The following SASH1 variants were observed in gnomAD, a reference collection of about 807,000 sequenced individuals.
SASH1 encodes the protein SAM and SH3 domain-containing protein 1.
Under a neutral mutation model 125.2 loss-of-function variants are expected in SASH1, and 44 were observed. The observed-to-expected ratio is 0.35, with a 90% confidence interval of 0.28 to 0.45. SASH1 has a LOEUF of 0.45. Ranked by LOEUF, SASH1 falls within the 20% of genes least tolerant of loss-of-function variation. The pLI is 1.00. For synonymous variants in SASH1, 639 were observed against 649.1 expected (o/e 0.98, Z 0.24); for missense variants, 1,426 against 1,614.5 (o/e 0.88, Z 2.00).
At chr6:148,340,095 GC>G (rs1313374433), upstream of SASH1, among the ~76,000 whole-genome samples, 1 of 152,170 alleles carries the variant, frequency 6.6e-6, no homozygotes, top group African/African-American at 2.4e-5. Flanking sequence ...TGCCCGGCTT[GC>G]CTGGCTCCTT....
At chr6:148,511,672 T>C (rs1461570641) in intron 8 of SASH1, among the ~76,000 whole-genome samples, 4 of 152,210 alleles carry the variant, frequency 2.6e-5, no homozygotes, top group African/African-American at 9.6e-5. Context: ...TTTGCCACAG[T>C]GAATCTGGGC....
chr6:148,307,379 G>A (rs1780174268), intron 1 of SASH1, among the ~76,000 whole-genome samples: 1 of 151,980 alleles, frequency 6.6e-6, no homozygotes, highest in Admixed American at 6.6e-5. Flanking sequence ...GCCTCCCAAA[G>A]TGCTGGAATT....
chr6:148,488,999 T>C (rs1004075881), intron 8 of SASH1, among the ~76,000 whole-genome samples: 1 of 152,200 alleles, frequency 6.6e-6, no homozygotes, highest in Non-Finnish European at 1.5e-5. Flanking sequence ...TATTTGTTTT[T>C]TTGTTGCCTG....
At chr6:148,247,651 C>T in the SASH1 span, among the ~76,000 whole-genome samples, 12 of 152,160 alleles carry the variant, frequency 7.9e-5, no homozygotes, top group Non-Finnish European at 1.3e-4. Context: ...GGGGCCTAAA[C>T]CTTATACAAG....
chr6:148,301,493 T>C (rs1738613987), intron 1 of SASH1, among the ~76,000 whole-genome samples: 1 of 152,124 alleles, frequency 6.6e-6, no homozygotes, highest in South Asian at 2.1e-4. Context: ...CTCAAACTCC[T>C]GACCTCAGGT....
At chr6:148,232,414 T>C in the SASH1 span, among the ~76,000 whole-genome samples, 27,770 of 152,174 alleles carry the variant, frequency 0.18, 2,670 homozygotes, top group South Asian at 0.22. Flanking sequence ...GTTTGATCCT[T>C]CTTCTAGGTG....
At chr6:148,458,576 A>G (rs933507016) in intron 4 of SASH1, among the ~76,000 whole-genome samples, 1 of 152,184 alleles carries the variant, frequency 6.6e-6, no homozygotes, top group Non-Finnish European at 1.5e-5. Context: ...AGTGGCATAG[A>G]GCTTTATTAT....
intron 1 of SASH1, among the ~76,000 whole-genome samples, chr6:148,368,652 T>G (rs574526188): frequency 9.2e-5 from 14 of 152,252 alleles, no homozygotes; most frequent in African/African-American, 3.4e-4. Context: ...GTGCATTAAT[T>G]GAAATGATGT....
At chr6:148,546,237 G>C in intron 19 of SASH1, 91 bp downstream of exon 19, 1 of 1,445,828 alleles carries the variant, frequency 6.9e-7, no homozygotes, top group Non-Finnish European at 9.3e-7. Context: ...GTAGGCAAGG[G>C]CTTGCGTAGC....
rs1037088183 is a variant in SASH1 at position 148,529,143 on chromosome 6, C to T, written c.1428+1547C>T. Among the ~76,000 whole-genome samples the T allele has an allele frequency of 2.0e-5, 3 of 152,130 alleles. No homozygotes were observed. Among genetic ancestry groups the T allele is most frequent in the Admixed American group, 6.5e-5 (1 of 15,272 alleles). On this transcript the variant is annotated intron_variant, in intron 12 of 19. Transcript: ENST00000367467. The surrounding 1 kb of genome is among the most constrained non-coding windows in gnomAD (Gnocchi z 4.2). ...ACAGATGAAGCTTGGCCTGCTCACC[C>T]GCCACTCACCTCCTGCTGTACGGCC...
At chr6:148,239,668 T>G in the SASH1 span, among the ~76,000 whole-genome samples, 2 of 151,866 alleles carry the variant, frequency 1.3e-5, no homozygotes, top group East Asian at 1.9e-4. Context: ...AGTAGCACCT[T>G]GCTAATCAAT....
the SASH1 span, among the ~76,000 whole-genome samples, chr6:148,241,450 G>T: frequency 6.6e-6 from 1 of 152,186 alleles, no homozygotes; most frequent in African/African-American, 2.4e-5. Flanking sequence ...TACATGCATT[G>T]AGATGAGAAC....
chr6:148,474,064 G>A (rs779910539), intron 6 of SASH1, 46 bp from the exon 7 acceptor site: 33 of 1,234,222 alleles, frequency 2.7e-5, no homozygotes, highest in Admixed American at 1.3e-4. Flanking sequence ...GTTCTGTTTC[G>A]CCATTCTTGT....
At chr6:148,331,144 G>A (rs1780985766) in intron 1 of SASH1, among the ~76,000 whole-genome samples, 1 of 152,028 alleles carries the variant, frequency 6.6e-6, no homozygotes, top group Non-Finnish European at 1.5e-5. Flanking sequence ...ATCCTCATGG[G>A]CATCTGTATA....
the SASH1 span, among the ~76,000 whole-genome samples, chr6:148,217,622 C>T: frequency 3.9e-5 from 6 of 152,054 alleles, no homozygotes; most frequent in Admixed American, 6.6e-5. Context: ...GGCCTGTATC[C>T]CTCAGGAAAC....
At chr6:148,482,951 A>G (rs1052952023) in intron 7 of SASH1, among the ~76,000 whole-genome samples, 6 of 152,156 alleles carry the variant, frequency 3.9e-5, no homozygotes, top group African/African-American at 1.2e-4. Context: ...AGCCTCCCAA[A>G]GTGGTGGGAT....
At chr6:148,435,568 C>T (rs568811450) in intron 2 of SASH1, among the ~76,000 whole-genome samples, 1 of 151,846 alleles carries the variant, frequency 6.6e-6, no homozygotes, top group East Asian at 1.9e-4. Flanking sequence ...CCTCCAGTAC[C>T]AGGAAGGAGT....
Position 148,394,120 on chromosome 6 carries a change from C to T in SASH1, c.285+3858C>T, listed in dbSNP as rs145520459. ...GTTGGCTAGGGTGGCCTCGAACTCC[C>T]GACCTCAGATGATCCTCCCGGCTTG... On this transcript the variant is annotated intron_variant, in intron 2 of 19. Transcript: ENST00000367467. 2.6e-3 allele frequency among the ~76,000 whole-genome samples: 399 copies of T among 151,942 alleles called. 5 individuals are homozygous for T. The highest frequency in any genetic ancestry group is 8.9e-3 in the African/African-American group (368 of 41,398).
chr6:148,394,988 G>A (rs1783892101), intron 2 of SASH1, among the ~76,000 whole-genome samples: 2 of 152,182 alleles, frequency 1.3e-5, no homozygotes, highest in African/African-American at 2.4e-5. Flanking sequence ...AGCTGAGTGC[G>A]AGATGGCTTT....
Sources: gnomAD v4.1 joint callset for allele counts (sites outside exome capture counted in the v4.1 genomes callset) on GRCh38, gnomAD v4.1.1 for gene constraint, Gnocchi (gnomAD v3.1) non-coding constraint, MANE v1.5 for transcripts, NCBI Gene and HGNC (gene_info 2026-07-23, HGNC 2026-07-21) for gene names.